The following FAT3 variants were observed in gnomAD, a reference collection of about 807,000 sequenced individuals.
FAT3 encodes the protein protocadherin Fat 3.
A neutral mutation model predicts 310.2 loss-of-function variants in FAT3; 95 were observed. The observed-to-expected ratio is 0.31, with a 90% CI of 0.26 to 0.36. The LOEUF is 0.36. FAT3 is among the 10% of genes least tolerant of loss of function. The probability of loss-of-function intolerance (pLI) is 1.00; values close to 1 mark genes in which losing one functional copy is unlikely to be tolerated. For synonymous variants in FAT3, 2,314 were observed against 2,192.9 expected, an observed-to-expected ratio of 1.06 and a Z score of -1.54; for missense variants, 5,408 against 5,715.6, an observed-to-expected ratio of 0.95 and a Z score of 1.74.
chr11:92,249,737 A>G (rs1302405262), intron 1 of FAT3, among the ~76,000 whole-genome samples: 1 of 152,064 alleles, frequency 6.6e-6, no homozygotes, highest in Non-Finnish European at 1.5e-5. Context: ...CAGTGCAAAC[A>G]CCTTATAAAA....
chr11:92,338,579 G>C (rs1948153477), intron 1 of FAT3, among the ~76,000 whole-genome samples: 1 of 152,042 alleles, frequency 6.6e-6, no homozygotes, highest in Admixed American at 6.5e-5. Context: ...GGGAGGCTGT[G>C]GTCTTGGTAG....
At chr11:92,312,900 C>A (rs957550850) in intron 1 of FAT3, among the ~76,000 whole-genome samples, 1 of 152,228 alleles carries the variant, frequency 6.6e-6, no homozygotes, top group East Asian at 1.9e-4. Context: ...TTCCCTGAAG[C>A]TATACGGGCA....
intron 2 of FAT3, among the ~76,000 whole-genome samples, chr11:92,431,585 C>A (rs1280266130): frequency 1.3e-5 from 2 of 152,044 alleles, no homozygotes; most frequent in Admixed American, 1.3e-4. Flanking sequence ...AAGTCCTTGC[C>A]CATGCCTATG....
intron 3 of FAT3, among the ~76,000 whole-genome samples, chr11:92,600,604 C>T (rs2135586582): frequency 6.6e-6 from 1 of 152,276 alleles, no homozygotes. Context: ...TGAGTGTCTA[C>T]TATTTGCCAG....
At chr11:92,266,887 C>T (rs905923238) in intron 1 of FAT3, among the ~76,000 whole-genome samples, 3 of 152,154 alleles carry the variant, frequency 2.0e-5, no homozygotes, top group Non-Finnish European at 4.4e-5. Context: ...CCATAATTCT[C>T]AGTTAACTCT....
intron 4 of FAT3, among the ~76,000 whole-genome samples, chr11:92,708,651 A>G (rs1944432025): frequency 6.6e-6 from 1 of 152,240 alleles, no homozygotes; most frequent in Admixed American, 6.5e-5. Flanking sequence ...AAGGCCTTGT[A>G]TTATGCATTG....
intron 1 of FAT3, among the ~76,000 whole-genome samples, chr11:92,238,429 G>A (rs1864527359): frequency 2.0e-5 from 3 of 152,124 alleles, no homozygotes; most frequent in South Asian, 4.1e-4. Flanking sequence ...ATCGGAGGGG[G>A]CAATCTGGTT....
intron 2 of FAT3, among the ~76,000 whole-genome samples, chr11:92,449,129 C>G (rs57424978): frequency 6.6e-6 from 1 of 152,144 alleles, no homozygotes; most frequent in Non-Finnish European, 1.5e-5. Context: ...TTGCAGACTG[C>G]TGAGGAGCCC....
intron 3 of FAT3, among the ~76,000 whole-genome samples, chr11:92,542,811 A>G (rs909360052): frequency 5.3e-5 from 8 of 152,134 alleles, no homozygotes; most frequent in African/African-American, 1.9e-4. Context: ...TGATCCAGCT[A>G]TCCTACTACT....
intron 3 of FAT3, among the ~76,000 whole-genome samples, chr11:92,681,053 T>A (rs777818281): frequency 9.9e-5 from 15 of 152,222 alleles, no homozygotes; most frequent in Non-Finnish European, 1.9e-4. Context: ...TGGAAGTATT[T>A]TTTATATAGA....
intron 3 of FAT3, among the ~76,000 whole-genome samples, chr11:92,691,517 TC>T (rs1024640495): frequency 1.3e-5 from 2 of 152,064 alleles, no homozygotes; most frequent in Non-Finnish European, 2.9e-5. Flanking sequence ...CACTTCAGCC[TC>T]CCAAGTAGCT....
intron 2 of FAT3, chr11:92,366,590 G>T: frequency 1.9e-6 from 1 of 524,054 alleles, no homozygotes; most frequent in South Asian, 1.4e-5. Flanking sequence ...TCAAGTCCTT[G>T]TCCAATTCAT....
rs1949066020 is a variant in FAT3, at chr11:92,859,381, T to C, written c.11658+59T>C. 18 of 1,410,318 alleles carry C rather than the reference T, an allele frequency of 1.3e-5. No homozygotes were observed. In the East Asian group the frequency reaches 4.6e-4, roughly 36 times the overall value. The allele number at this position is 1,410,318 out of a possible 1,614,324, so 87.4% of individuals were successfully genotyped here. On this transcript the variant is annotated intron_variant, in intron 21 of 27. Transcript: ENST00000525166. Reference sequence around the variant, plus strand: ...GTTCTCATGTTAGTGTTTTGGCTCTTGGATTGGGGAACGGCTGAAATCATT... The same window carrying C: ...GTTCTCATGTTAGTGTTTTGGCTCTCGGATTGGGGAACGGCTGAAATCATT...
At chr11:92,300,326 A>G (rs894505104) in intron 1 of FAT3, among the ~76,000 whole-genome samples, 5 of 152,076 alleles carry the variant, frequency 3.3e-5, no homozygotes, top group Non-Finnish European at 7.4e-5. Context: ...GTTTCCATTT[A>G]TGTTCCTGTG....
At chr11:92,519,428 A>C (rs1359472895) in intron 2 of FAT3, among the ~76,000 whole-genome samples, 1 of 152,158 alleles carries the variant, frequency 6.6e-6, no homozygotes, top group Non-Finnish European at 1.5e-5. Flanking sequence ...AGACTATTAG[A>C]CCAGAAGAAA....
At chr11:92,523,633 T>G (rs1953756357) in intron 2 of FAT3, among the ~76,000 whole-genome samples, 1 of 152,168 alleles carries the variant, frequency 6.6e-6, no homozygotes, top group African/African-American at 2.4e-5. Context: ...CTTGACTCTT[T>G]TCACAATGTC....
At chr11:92,268,399 TA>T (rs1462465421) in intron 1 of FAT3, among the ~76,000 whole-genome samples, 1 of 151,982 alleles carries the variant, frequency 6.6e-6, no homozygotes, top group Non-Finnish European at 1.5e-5. Context: ...ATCTTTTCCA[TA>T]GATTATATGA....
At chr11:92,637,310 C>T (rs2135718094) in intron 3 of FAT3, among the ~76,000 whole-genome samples, 1 of 152,254 alleles carries the variant, frequency 6.6e-6, no homozygotes, top group South Asian at 2.1e-4. Context: ...ATGTGATTTA[C>T]AGGTGTCTAG....
intron 3 of FAT3, among the ~76,000 whole-genome samples, chr11:92,558,604 G>A (rs555337398): frequency 6.6e-6 from 1 of 152,264 alleles, no homozygotes; most frequent in Non-Finnish European, 1.5e-5. Flanking sequence ...CTACTCAGCA[G>A]GGGTAATTTG....
Sources: allele counts gnomAD v4.1 joint callset (sites outside exome capture counted in the v4.1 genomes callset), GRCh38; gene constraint gnomAD v4.1.1; transcripts MANE v1.5; gene names NCBI Gene and HGNC (gene_info 2026-07-23, HGNC 2026-07-21).